ROBO1: variants seen among roughly 807,000 people sequenced by gnomAD.
The protein encoded by ROBO1 is roundabout guidance receptor 1, also known as roundabout homolog 1.
A neutral mutation model predicts 195.9 loss-of-function variants in ROBO1; 149 were observed. The ratio of observed to expected loss-of-function variants is 0.76; its 90% CI spans 0.67 to 0.87. The LOEUF is 0.87. Ranked by LOEUF, ROBO1 falls within the 40% of genes least tolerant of loss-of-function variation. The probability of loss-of-function intolerance (pLI) is 0.00; values close to 1 mark genes in which losing one functional copy is unlikely to be tolerated. For synonymous variants in ROBO1, 816 were observed against 733.2 expected (o/e 1.11, Z -1.82); for missense variants, 1,933 against 2,068.3 (o/e 0.93, Z 1.27).
chr3:79,127,159 A>G (rs990233065), intron 2 of ROBO1, among the ~76,000 whole-genome samples: 3 of 152,142 alleles, frequency 2.0e-5, no homozygotes, highest in Non-Finnish European at 4.4e-5. Context: ...CGTCCACTTT[A>G]CCTTTCCGGC....
intron 3 of ROBO1, among the ~76,000 whole-genome samples, chr3:78,972,929 T>A (rs757365829): frequency 1.2e-4 from 19 of 152,172 alleles, no homozygotes; most frequent in African/African-American, 4.3e-4. Context: ...ATGCCAAGCA[T>A]CATGTTTGCT....
At chr3:79,539,307 A>G (rs1941983570) in intron 2 of ROBO1, among the ~76,000 whole-genome samples, 1 of 152,116 alleles carries the variant, frequency 6.6e-6, no homozygotes, top group Admixed American at 6.6e-5. Context: ...GATAAAAAGG[A>G]ACATGCACAT....
intron 1 of ROBO1, among the ~76,000 whole-genome samples, chr3:79,691,508 T>C (rs2107082507): frequency 6.6e-6 from 1 of 151,694 alleles, no homozygotes; most frequent in East Asian, 1.9e-4. Flanking sequence ...ACTCAAGCAT[T>C]GAACAATGCA....
chr3:79,354,966 G>A (rs2035485231), intron 2 of ROBO1, among the ~76,000 whole-genome samples: 1 of 152,118 alleles, frequency 6.6e-6, no homozygotes, highest in East Asian at 1.9e-4. Context: ...AGGAGTTCAA[G>A]ACCATCCTGG....
intron 2 of ROBO1, among the ~76,000 whole-genome samples, chr3:79,548,932 T>C (rs1040319981): frequency 2.0e-5 from 3 of 152,274 alleles, no homozygotes; most frequent in African/African-American, 7.2e-5. Context: ...AAAAGGGCTC[T>C]TGTTACATGC....
At chr3:79,247,781 A>G (rs1450092081) in intron 2 of ROBO1, among the ~76,000 whole-genome samples, 2 of 152,138 alleles carry the variant, frequency 1.3e-5, no homozygotes, top group African/African-American at 4.8e-5. Flanking sequence ...GCATAGAATC[A>G]ATGAGAAAAT....
At position 79,359,997 on chromosome 3, in the gene ROBO1, G is replaced by A. The variant is rs183864970; in HGVS notation, c.88+229827C>T. Among the ~76,000 whole-genome samples, 78 of 152,110 alleles carry A rather than the reference G, an allele frequency of 5.1e-4. No homozygotes were observed. In the East Asian group the frequency reaches 0.015, roughly 29 times the overall value. ...AGATAAAAGAAGAAAGATAATTGCA[G>A]GCAGAGGAAATTGTGGAATACACTT... is the stretch of plus-strand genomic sequence containing the variant. On this transcript the variant is annotated intron_variant, in intron 2 of 30. Coordinates refer to ENST00000464233, the MANE Select transcript of ROBO1 (RefSeq NM_002941.4).
chr3:78,714,580 A>C, intron 7 of ROBO1, 56 bp from the exon 8 acceptor site: 145 of 1,509,670 alleles, frequency 9.6e-5, no homozygotes, highest in Non-Finnish European at 1.2e-4. Flanking sequence ...GAAAGATCTC[A>C]TTATTATACA....
At chr3:79,677,548 T>G (rs541035070) in intron 1 of ROBO1, among the ~76,000 whole-genome samples, 13 of 152,176 alleles carry the variant, frequency 8.5e-5, no homozygotes, top group Admixed American at 3.9e-4. Context: ...AGGAAAGACC[T>G]GCCCCTGTGA....
intron 3 of ROBO1, among the ~76,000 whole-genome samples, chr3:79,085,851 T>C (rs1441638899): frequency 6.6e-6 from 1 of 152,212 alleles, no homozygotes; most frequent in African/African-American, 2.4e-5. Context: ...TTCATTACTA[T>C]AAATTTCAGC....
In ROBO1 at chr3:78,657,253, T is replaced by C. The variant is rs951704461; in HGVS notation, c.2459A>G (p.Asn820Ser). 6 of 1,613,570 alleles carry C rather than the reference T, an allele frequency of 3.7e-6. No homozygotes were observed. Among genetic ancestry groups the C allele is most frequent in the Middle Eastern group, 1.6e-4 (1 of 6,078 alleles). ...VQEYKVWCLG[N>S]ETRYHINKTV... ...TTTGTTGATGTGGTATCGAGTTTCA[T>C]TGCCCAGACACCAAACCTGTAAGAA... Residue 820 changes from asparagine to serine, a missense_variant, in exon 18 of 31, where the codon AAT (asparagine) becomes AGT (serine). Coordinates refer to ENST00000464233, the MANE Select transcript of ROBO1 (RefSeq NM_002941.4).
chr3:79,019,762 T>G (rs567641116), intron 3 of ROBO1, among the ~76,000 whole-genome samples: 17 of 152,142 alleles, frequency 1.1e-4, no homozygotes, highest in African/African-American at 3.4e-4. Flanking sequence ...AGCCAAAGAC[T>G]TCAAAAATCC....
At chr3:78,932,895 T>A (rs1401585435) in intron 4 of ROBO1, among the ~76,000 whole-genome samples, 1 of 152,156 alleles carries the variant, frequency 6.6e-6, no homozygotes, top group South Asian at 2.1e-4. Flanking sequence ...AGAATTTTTT[T>A]ATAAAAATGA....
chr3:78,782,457 G>A lies in ROBO1; in HGVS notation c.500-35557C>T, dbSNP rs60734048. On this transcript the variant is annotated intron_variant, in intron 4 of 30. Coordinates refer to ENST00000464233, the MANE Select transcript of ROBO1 (RefSeq NM_002941.4). ...AGTGATCCTCCCACCTTGGCCTCCC[G>A]AAGTGCTGGGATTACAGGCATGAGC... Among the ~76,000 whole-genome samples the A allele has an allele frequency of 3.3e-3, 499 of 152,006 alleles. 3 individuals are homozygous for A. The highest frequency in any genetic ancestry group is 0.011 in the African/African-American group (470 of 41,456).
At chr3:78,690,748 T>C (rs2081154430) in intron 8 of ROBO1, among the ~76,000 whole-genome samples, 1 of 152,112 alleles carries the variant, frequency 6.6e-6, no homozygotes, top group Non-Finnish European at 1.5e-5. Context: ...AGAATATGAC[T>C]TTCCAATATG....
intron 28 of ROBO1, among the ~76,000 whole-genome samples, chr3:78,611,376 G>T (rs972065347): frequency 6.6e-6 from 1 of 152,208 alleles, no homozygotes; most frequent in African/African-American, 2.4e-5. Flanking sequence ...AGGATGGAAA[G>T]AATCTATTAG....
At chr3:79,408,632 A>G (rs2037647472) in intron 2 of ROBO1, among the ~76,000 whole-genome samples, 1 of 152,116 alleles carries the variant, frequency 6.6e-6, no homozygotes, top group Non-Finnish European at 1.5e-5. Context: ...GAATCATACT[A>G]CATATAAATC....
chr3:79,262,280 C>T (rs183701142), intron 2 of ROBO1, among the ~76,000 whole-genome samples: 2 of 152,198 alleles, frequency 1.3e-5, no homozygotes, highest in East Asian at 3.9e-4. Flanking sequence ...AATGGGGGCT[C>T]TTCACTTTGG....
intron 2 of ROBO1, among the ~76,000 whole-genome samples, chr3:79,314,021 A>C (rs879141551): frequency 6.6e-6 from 1 of 152,102 alleles, no homozygotes; most frequent in Admixed American, 6.5e-5. Context: ...TTTTGATCTA[A>C]AATTAGGATG....
Sources: allele counts gnomAD v4.1 joint callset (sites outside exome capture counted in the v4.1 genomes callset), GRCh38; gene constraint gnomAD v4.1.1; transcripts MANE v1.5; gene names NCBI Gene and HGNC (gene_info 2026-07-23, HGNC 2026-07-21).